The following WWOX variants were observed in gnomAD, a reference collection of about 807,000 sequenced individuals.
WWOX encodes the protein WW domain-containing oxidoreductase.
A neutral mutation model predicts 46.2 loss-of-function variants in WWOX; 69 were observed. The observed-to-expected ratio is 1.49, with a 90% CI of 1.23 to 1.82. The LOEUF is 1.82. Among genes scored for constraint, WWOX ranks in the 40% most tolerant of loss-of-function variants. WWOX has a pLI of 0.00. For missense variants in WWOX, 919 were observed against 542.6 expected (o/e 1.69, Z -6.89); for synonymous variants, 359 against 202.6 (o/e 1.77, Z -6.56).
At chr16:79,023,692 G>T (rs1280675906) in intron 8 of WWOX, among the ~76,000 whole-genome samples, 2 of 151,998 alleles carry the variant, frequency 1.3e-5, no homozygotes, top group African/African-American at 4.8e-5. Context: ...GGCTGAGGCA[G>T]GTAGATCACC....
chr16:78,118,724 C>G (rs918048356), intron 4 of WWOX, among the ~76,000 whole-genome samples: 1 of 152,244 alleles, frequency 6.6e-6, no homozygotes, highest in East Asian at 1.9e-4. Context: ...GTTAGATACT[C>G]CAGTTCATTG....
intron 8 of WWOX, among the ~76,000 whole-genome samples, chr16:78,984,932 A>C (rs1285687037): frequency 6.6e-6 from 1 of 152,032 alleles, no homozygotes; most frequent in Non-Finnish European, 1.5e-5. Flanking sequence ...CTGGTGTTGA[A>C]GTCTGATTTC....
chr16:78,283,820 T>C (rs1328779472), intron 5 of WWOX, among the ~76,000 whole-genome samples: 1 of 152,216 alleles, frequency 6.6e-6, no homozygotes, highest in Admixed American at 6.5e-5. Flanking sequence ...GGAGATGGAT[T>C]GTTCTCTAAG....
intron 8 of WWOX, among the ~76,000 whole-genome samples, chr16:78,769,560 TA>T (rs2050013670): frequency 1.4e-5 from 2 of 144,540 alleles, no homozygotes; most frequent in South Asian, 4.4e-4. Context: ...TTTATTTATT[TA>T]TTTATTTATT....
Position 78,844,484 on chromosome 16 carries a change from T to C in WWOX, c.1057-367124T>C, listed in dbSNP as rs537007502. Among the ~76,000 whole-genome samples the C allele has an allele frequency of 2.7e-4, 41 of 152,156 alleles. No individual in the cohort carries two copies. In the East Asian group the frequency reaches 7.6e-3, roughly 28 times the overall value. On this transcript the variant is annotated intron_variant, in intron 8 of 8. Transcript: ENST00000566780. ...CCTTCTCTATTACCAGTGATAATTA[T>C]GAATCTCATAATGGAAAACATCCCG...
chr16:78,846,715 A>G (rs888817693), intron 8 of WWOX, among the ~76,000 whole-genome samples: 1 of 152,126 alleles, frequency 6.6e-6, no homozygotes, highest in Non-Finnish European at 1.5e-5. Flanking sequence ...TAATTAATAA[A>G]TATATTGGGG....
chr16:78,693,591 G>A (rs191165458), intron 8 of WWOX, among the ~76,000 whole-genome samples: 1 of 152,204 alleles, frequency 6.6e-6, no homozygotes, highest in Admixed American at 6.5e-5. Flanking sequence ...CTCTAGGGCA[G>A]TGGAGACAAT....
chr16:78,927,282 C>T (rs1567654684), intron 8 of WWOX, among the ~76,000 whole-genome samples: 4 of 152,276 alleles, frequency 2.6e-5, no homozygotes, highest in East Asian at 1.9e-4. Context: ...AACATGACAC[C>T]GGCCTCCAGC....
intron 8 of WWOX, among the ~76,000 whole-genome samples, chr16:78,578,784 G>A (rs1056858736): frequency 6.6e-6 from 1 of 152,152 alleles, no homozygotes; most frequent in Non-Finnish European, 1.5e-5. Context: ...CTGAAAGCAC[G>A]GTTTCCTGCG....
At chr16:78,912,784 T>G (rs1248084343) in intron 8 of WWOX, among the ~76,000 whole-genome samples, 1 of 152,008 alleles carries the variant, frequency 6.6e-6, no homozygotes, top group Non-Finnish European at 1.5e-5. Flanking sequence ...GTTATGTAAT[T>G]AGCCAATAAG....
chr16:79,076,540 T>G (rs1402892922), intron 8 of WWOX, among the ~76,000 whole-genome samples: 8 of 152,324 alleles, frequency 5.3e-5, no homozygotes, highest in Middle Eastern at 3.4e-3. Context: ...TAGAACCATC[T>G]AAGCTAACTC....
At chr16:78,530,550 C>T (rs1190087298) in intron 8 of WWOX, among the ~76,000 whole-genome samples, 1 of 152,120 alleles carries the variant, frequency 6.6e-6, no homozygotes, top group Non-Finnish European at 1.5e-5. Context: ...TTCAATGTGC[C>T]AGCGGAGCCT....
chr16:78,725,339 C>CTTTTTTTTTTTT (rs921746316), intron 8 of WWOX, among the ~76,000 whole-genome samples: 18 of 86,774 alleles, frequency 2.1e-4, no homozygotes, highest in South Asian at 7.9e-4. Flanking sequence ...CTTTTCTTTT[C>CTTTTTTTTTTTT]TTTTCTTTTT....
chr16:78,178,186 G>C (rs2035410382), intron 5 of WWOX, among the ~76,000 whole-genome samples: 1 of 152,190 alleles, frequency 6.6e-6, no homozygotes, highest in Non-Finnish European at 1.5e-5. Flanking sequence ...GGCCTGGCCT[G>C]GCTGGGTTTG....
intron 8 of WWOX, among the ~76,000 whole-genome samples, chr16:79,188,252 C>T (rs938701296): frequency 3.3e-5 from 5 of 152,154 alleles, no homozygotes; most frequent in African/African-American, 7.2e-5. Flanking sequence ...CACACTTTTG[C>T]CCTCTGTACC....
At chr16:78,336,392 G>A (rs1026206032) in intron 5 of WWOX, among the ~76,000 whole-genome samples, 1 of 148,986 alleles carries the variant, frequency 6.7e-6, no homozygotes, top group Non-Finnish European at 1.5e-5. Flanking sequence ...TATAGTCCCA[G>A]CTATTTGGGA....
chr16:79,193,563 C>T (rs999693029), intron 8 of WWOX, among the ~76,000 whole-genome samples: 17 of 152,140 alleles, frequency 1.1e-4, no homozygotes, highest in African/African-American at 4.1e-4. Context: ...AGATTTAGTC[C>T]AGTCATCCAT....
intron 8 of WWOX, among the ~76,000 whole-genome samples, chr16:78,855,991 G>A (rs2052557164): frequency 6.6e-6 from 1 of 152,194 alleles, no homozygotes; most frequent in Non-Finnish European, 1.5e-5. Context: ...AGGTACCCAA[G>A]AAGGAGGTGA....
At chr16:79,066,397 C>G (rs114502544) in intron 8 of WWOX, among the ~76,000 whole-genome samples, 2 of 152,114 alleles carry the variant, frequency 1.3e-5, no homozygotes, top group African/African-American at 4.8e-5. Flanking sequence ...AGGAATCTGC[C>G]TTCGTCACCA....
Sources: gnomAD v4.1 joint callset for allele counts (sites outside exome capture counted in the v4.1 genomes callset) on GRCh38, gnomAD v4.1.1 for gene constraint, MANE v1.5 for transcripts, NCBI Gene and HGNC (gene_info 2026-07-23, HGNC 2026-07-21) for gene names.